The following CNTNAP2 variants were observed in gnomAD, a reference collection of about 807,000 sequenced individuals.
CNTNAP2 encodes contactin-associated protein-like 2.
Under a neutral mutation model 155.2 loss-of-function variants are expected in CNTNAP2, and 98 were observed. The observed-to-expected ratio is 0.63, with a 90% CI of 0.54 to 0.75. The LOEUF is 0.75. CNTNAP2 is among the 30% of genes least tolerant of loss of function. The pLI is 0.00. For missense variants in CNTNAP2, 1,727 were observed against 1,688.1 expected, an observed-to-expected ratio of 1.02 and a Z score of -0.40; for synonymous variants, 651 against 631.2, an observed-to-expected ratio of 1.03 and a Z score of -0.47.
chr7:146,281,099 G>A (rs1393833920), intron 1 of CNTNAP2, among the ~76,000 whole-genome samples: 2 of 152,096 alleles, frequency 1.3e-5, no homozygotes, highest in Non-Finnish European at 2.9e-5. Flanking sequence ...GGGCCAAGGC[G>A]GGTCACAGCT....
chr7:146,600,746 T>C (rs781248010), intron 1 of CNTNAP2, among the ~76,000 whole-genome samples: 4 of 152,160 alleles, frequency 2.6e-5, no homozygotes, highest in Non-Finnish European at 4.4e-5. Flanking sequence ...TGAGAAAACA[T>C]GTGGCATATT....
intron 3 of CNTNAP2, among the ~76,000 whole-genome samples, chr7:146,842,993 A>AGTTTTTT (rs1257696854): frequency 4.1e-5 from 1 of 24,210 alleles, no homozygotes; most frequent in East Asian, 1.8e-3. Flanking sequence ...CCTGTCCCAC[A>AGTTTTTT]CTTTTTTTTT....
At chr7:148,190,798 G>C (rs1315769854) in intron 18 of CNTNAP2, 4 of 151,640 alleles carry the variant, frequency 2.6e-5, no homozygotes, top group Non-Finnish European at 2.9e-5. Flanking sequence ...ACAAATACTG[G>C]AGAACCCAGA....
chr7:147,226,258 G>T (rs1803541502), intron 8 of CNTNAP2, among the ~76,000 whole-genome samples: 1 of 152,180 alleles, frequency 6.6e-6, no homozygotes, highest in African/African-American at 2.4e-5. Context: ...AAAGATGGTT[G>T]TTGTTGCAGC....
At chr7:146,414,821 G>C (rs1311858749) in intron 1 of CNTNAP2, among the ~76,000 whole-genome samples, 2 of 152,134 alleles carry the variant, frequency 1.3e-5, no homozygotes, top group East Asian at 3.9e-4. Context: ...GGAATAACAG[G>C]CTTGAGAGAA....
intron 21 of CNTNAP2, among the ~76,000 whole-genome samples, chr7:148,364,068 A>G (rs1158124005): frequency 1.3e-5 from 2 of 152,208 alleles, no homozygotes; most frequent in African/African-American, 4.8e-5. Flanking sequence ...CGGGACCTGC[A>G]GCCCGCCATG....
chr7:146,473,330 T>A (rs889252893), intron 1 of CNTNAP2, among the ~76,000 whole-genome samples: 1 of 152,182 alleles, frequency 6.6e-6, no homozygotes, highest in Admixed American at 6.5e-5. Flanking sequence ...CTAGGCAGAA[T>A]GTATAAAAAG....
intron 14 of CNTNAP2, 28 bp downstream of exon 14, chr7:147,903,749 G>T (rs1324075663): frequency 6.2e-7 from 1 of 1,611,244 alleles, no homozygotes; most frequent in Non-Finnish European, 8.5e-7. Context: ...GCACAGCCAG[G>T]CTCACCCTCC....
chr7:147,988,746 T>C (rs1245478485), intron 15 of CNTNAP2, among the ~76,000 whole-genome samples: 1 of 152,194 alleles, frequency 6.6e-6, no homozygotes, highest in African/African-American at 2.4e-5. Flanking sequence ...TCTCTGCAAA[T>C]TGAATCCCCG....
chr7:146,709,453 A>G (rs565590020), intron 1 of CNTNAP2, among the ~76,000 whole-genome samples: 4 of 152,296 alleles, frequency 2.6e-5, no homozygotes, highest in South Asian at 2.1e-4. Context: ...TCAGAAGTAC[A>G]AGCCAGAAGT....
intron 1 of CNTNAP2, among the ~76,000 whole-genome samples, chr7:146,330,274 G>A (rs1037475473): frequency 2.0e-5 from 3 of 151,902 alleles, no homozygotes; most frequent in African/African-American, 2.4e-5. Flanking sequence ...CACCCACCTC[G>A]GCCTCCCAAA....
chr7:148,335,241 G>C (rs1038439053), intron 21 of CNTNAP2, among the ~76,000 whole-genome samples: 1 of 152,238 alleles, frequency 6.6e-6, no homozygotes, highest in Admixed American at 6.5e-5. Flanking sequence ...CCCACAGCAG[G>C]TCTCCTCTCT....
intron 22 of CNTNAP2, among the ~76,000 whole-genome samples, chr7:148,390,478 C>G (rs1007857291): frequency 6.6e-6 from 1 of 152,002 alleles, no homozygotes; most frequent in South Asian, 2.1e-4. Flanking sequence ...ACAGCAGGTG[C>G]CTTGCTGTGA....
chr7:147,154,233 A>G (rs181920947), intron 8 of CNTNAP2, among the ~76,000 whole-genome samples: 12 of 152,314 alleles, frequency 7.9e-5, no homozygotes, highest in African/African-American at 2.4e-4. Context: ...ATTGAAAACG[A>G]GAATAAGCAA....
intron 1 of CNTNAP2, among the ~76,000 whole-genome samples, chr7:146,290,198 A>G (rs1800406756): frequency 6.6e-6 from 1 of 152,164 alleles, no homozygotes; most frequent in South Asian, 2.1e-4. Context: ...AGCCTGAACA[A>G]TGTAGGGCAA....
intron 1 of CNTNAP2, among the ~76,000 whole-genome samples, chr7:146,226,127 G>T (rs1799288984): frequency 6.6e-6 from 1 of 152,158 alleles, no homozygotes; most frequent in Non-Finnish European, 1.5e-5. Flanking sequence ...GTCCGATTCT[G>T]TGGTGACCCA....
intron 21 of CNTNAP2, among the ~76,000 whole-genome samples, chr7:148,273,067 A>T (rs569598685): frequency 6.6e-6 from 1 of 152,360 alleles, no homozygotes; most frequent in Admixed American, 6.5e-5. Flanking sequence ...ACTTCCTAAC[A>T]ATTAGAGCTT....
chr7:146,954,763 A>G (rs1490811599), intron 3 of CNTNAP2, among the ~76,000 whole-genome samples: 1 of 152,000 alleles, frequency 6.6e-6, no homozygotes, highest in East Asian at 1.9e-4. Flanking sequence ...TTTCTTTCAA[A>G]CTGTCACTTA....
chr7:147,228,558 C>A (rs548161860), intron 8 of CNTNAP2, among the ~76,000 whole-genome samples: 1 of 152,214 alleles, frequency 6.6e-6, no homozygotes, highest in East Asian at 1.9e-4. Flanking sequence ...TTGGAGCATT[C>A]TCATTTAGAT....
Sources: allele counts gnomAD v4.1 joint callset (sites outside exome capture counted in the v4.1 genomes callset), GRCh38; gene constraint gnomAD v4.1.1; transcripts MANE v1.5; gene names NCBI Gene and HGNC (gene_info 2026-07-23, HGNC 2026-07-21).